Variants in ZNF236 observed in about 807,000 individuals in gnomAD.
ZNF236 encodes zinc finger protein 236.
ZNF236 carries 50 observed loss-of-function variants against 191.2 expected under a neutral mutation model. That is an observed-to-expected ratio of 0.26 (90% CI 0.21 to 0.33). The LOEUF (loss-of-function observed/expected upper bound fraction) is 0.33. ZNF236 is among the 10% of genes least tolerant of loss of function. The pLI is 1.00. For synonymous variants in ZNF236, 907 were observed against 928.8 expected (o/e 0.98, Z 0.43); for missense variants, 1,754 against 2,374.5 (o/e 0.74, Z 5.43).
intron 30 of ZNF236, among the ~76,000 whole-genome samples, chr18:76,965,793 G>C (rs185701857): frequency 6.6e-6 from 1 of 152,316 alleles, no homozygotes; most frequent in African/African-American, 2.4e-5. Flanking sequence ...AGATGGCAGG[G>C]GGGTGAAATG....
At chr18:76,884,168 G>A (rs572986759) in intron 9 of ZNF236, among the ~76,000 whole-genome samples, 20 of 152,216 alleles carry the variant, frequency 1.3e-4, no homozygotes, top group Non-Finnish European at 2.9e-4. Context: ...TTGGGAGGCC[G>A]AGGTGGGTGG....
chr18:76,922,382 G>A (rs1204155824), intron 20 of ZNF236, among the ~76,000 whole-genome samples: 2 of 152,142 alleles, frequency 1.3e-5, no homozygotes, highest in African/African-American at 4.8e-5. Context: ...ATATCTCGTC[G>A]TTTTCATCTG....
chr18:76,908,182 A>C, intron 13 of ZNF236, 138 bp from the exon 14 acceptor site: 1 of 1,180,444 alleles, frequency 8.5e-7, no homozygotes, highest in South Asian at 1.5e-5. Context: ...TTTTTACCTG[A>C]ATTGCCATCA....
chr18:76,929,268 T>C (rs1449170586), intron 25 of ZNF236, among the ~76,000 whole-genome samples: 1 of 152,108 alleles, frequency 6.6e-6, no homozygotes, highest in Non-Finnish European at 1.5e-5. Flanking sequence ...TGAGATGCAG[T>C]GGTTTTTAGA....
Position 76,925,430 on chromosome 18 carries a change from C to G in ZNF236, c.3903C>G (p.Leu1301=). The G allele has an allele frequency of 6.2e-7, 1 of 1,614,228 alleles. No individual in the cohort carries two copies. The highest frequency in any genetic ancestry group is 2.2e-5 in the East Asian group (1 of 44,892). ...AAGGACTGCAGCCTGTAAACCTCCT[C>G]AACTCCTCCTCTACTGACCCAAACG... ...SSEGLQPVNL[L]NSSSTDPNVF... The change falls in exon 22 of 31, where the codon CTC becomes CTG. Residue 1301 remains leucine (L), a synonymous_variant. Coordinates refer to ENST00000320610, the MANE Select transcript of ZNF236 (RefSeq NM_001306089.2). The surrounding 1 kb of genome is among the most constrained non-coding windows in gnomAD (Gnocchi z 5.7).
intron 20 of ZNF236, among the ~76,000 whole-genome samples, chr18:76,922,335 C>A (rs1967560423): frequency 6.6e-6 from 1 of 152,196 alleles, no homozygotes; most frequent in African/African-American, 2.4e-5. Flanking sequence ...CTCCGAGTGC[C>A]TGTTTTACAG....
intron 26 of ZNF236, among the ~76,000 whole-genome samples, chr18:76,940,249 C>T (rs76805014): frequency 2.6e-4 from 39 of 147,692 alleles, no homozygotes; most frequent in Admixed American, 2.5e-3. Context: ...TTTGGGAACA[C>T]GGTGGGCGAC....
chr18:76,945,626 A>C (rs565185723), intron 26 of ZNF236, among the ~76,000 whole-genome samples: 58 of 152,296 alleles, frequency 3.8e-4, no homozygotes, highest in African/African-American at 1.4e-3. Flanking sequence ...ATCTCTACTG[A>C]GAATACAAAA....
At chr18:76,867,561 A>T (rs1242468881) in intron 3 of ZNF236, among the ~76,000 whole-genome samples, 1 of 152,198 alleles carries the variant, frequency 6.6e-6, no homozygotes, top group Non-Finnish European at 1.5e-5. Flanking sequence ...TTTATTTGGA[A>T]ATAACAGTTT....
intron 9 of ZNF236, chr18:76,887,546 G>C (rs534718403): frequency 6.6e-6 from 1 of 152,324 alleles, no homozygotes; most frequent in South Asian, 2.1e-4. Context: ...GTAAGAGGCT[G>C]TATTAGTCTG....
intron 13 of ZNF236, 130 bp downstream of exon 13, chr18:76,905,545 G>GAAA (rs1159878664): frequency 2.0e-3 from 136 of 68,054 alleles, no homozygotes; most frequent in East Asian, 5.5e-3. Flanking sequence ...ATGGGCTCAA[G>GAAA]AAAAAAAAAA....
chr18:76,954,552 G>A lies in ZNF236; in HGVS notation c.4915-1433G>A, dbSNP rs77580693. On this transcript the variant is annotated intron_variant, in intron 27 of 30. Transcript: ENST00000320610. ...TTTATGCAGTGACCTCAACAGGCAT[G>A]TGTTTCTGTCATTTTTCTTTACACT... is the stretch of plus-strand genomic sequence containing the variant. Among the ~76,000 whole-genome samples, 829 of 152,324 alleles carry A rather than the reference G, an allele frequency of 5.4e-3. 6 individuals are homozygous for A. The highest frequency in any genetic ancestry group is 9.7e-3 in the Non-Finnish European group (660 of 68,038).
intron 4 of ZNF236, among the ~76,000 whole-genome samples, chr18:76,870,151 C>T (rs1347998090): frequency 6.6e-6 from 1 of 152,204 alleles, no homozygotes; most frequent in Non-Finnish European, 1.5e-5. Flanking sequence ...GCCTCTTAGA[C>T]ATTGCATTTG....
At chr18:76,955,896 TC>T in intron 27 of ZNF236, 88 bp from the exon 28 acceptor site, 1 of 1,412,846 alleles carries the variant, frequency 7.1e-7, no homozygotes, top group South Asian at 1.2e-5. Context: ...GCTAGGAATG[TC>T]CCTCTTATCA....
intron 1 of ZNF236, among the ~76,000 whole-genome samples, chr18:76,847,087 C>G (rs1034044924): frequency 2.0e-5 from 3 of 152,128 alleles, no homozygotes; most frequent in African/African-American, 7.2e-5. Flanking sequence ...GCCACTGTGC[C>G]CGGCCTCGAC....
At chr18:76,961,367 T>TTGTGTGTG (rs58383689) in intron 30 of ZNF236, among the ~76,000 whole-genome samples, 14 of 146,946 alleles carry the variant, frequency 9.5e-5, no homozygotes, top group East Asian at 4.0e-4. Context: ...TAGTATTCCA[T>TTGTGTGTG]TGTGTGTGTG....
At chr18:76,836,196 A>G (rs1360267639) in intron 1 of ZNF236, among the ~76,000 whole-genome samples, 1 of 151,830 alleles carries the variant, frequency 6.6e-6, no homozygotes, top group African/African-American at 2.4e-5. Context: ...GTGAGCCACC[A>G]CGCCTGGCCT....
intron 25 of ZNF236, among the ~76,000 whole-genome samples, chr18:76,935,086 C>T (rs1967958270): frequency 6.6e-6 from 1 of 152,182 alleles, no homozygotes; most frequent in Non-Finnish European, 1.5e-5. Context: ...ATGGGATCTT[C>T]ATTTTCATGC....
At position 76,908,341 on chromosome 18, in the gene ZNF236, C is replaced by G. The variant is rs1363014259; in HGVS notation, c.2319C>G (p.Leu773=). Residue 773 remains leucine (L), a synonymous_variant, in exon 14 of 31, where the codon CTC becomes CTG. Transcript: ENST00000320610. The part of the protein sequence containing the change: ...KTHRYELAQQ[L]QQHQQAASID... ...GAAGATATGAGCTTGCCCAGCAGCT[C>G]CAACAGCATCAGCAGGCAGCCTCGA... is the stretch of plus-strand genomic sequence containing the variant. The G allele has an allele frequency of 6.2e-7, 1 of 1,613,774 alleles. No individual in the cohort carries two copies. Among genetic ancestry groups the G allele is most frequent in the Non-Finnish European group, 8.5e-7 (1 of 1,179,880 alleles).
Sources: allele counts gnomAD v4.1 joint callset (sites outside exome capture counted in the v4.1 genomes callset), GRCh38; gene constraint gnomAD v4.1.1; non-coding constraint Gnocchi (gnomAD v3.1); transcripts MANE v1.5; gene names NCBI Gene and HGNC (gene_info 2026-07-23, HGNC 2026-07-21).